The following CA10 variants were observed in gnomAD, a reference collection of about 807,000 sequenced individuals.
CA10 encodes carbonic anhydrase-related protein 10.
CA10 carries 14 observed loss-of-function variants against 44.2 expected under a neutral mutation model. The observed-to-expected ratio is 0.32, with a 90% CI of 0.21 to 0.50. CA10 has a LOEUF of 0.50. CA10 is among the 20% of genes least tolerant of loss of function. The pLI is 0.99. For missense variants in CA10, 350 were observed against 409.7 expected (o/e 0.85, Z 1.26); for synonymous variants, 159 against 141.6 (o/e 1.12, Z -0.87).
chr17:51,640,747 T>G (rs1029372957), intron 6 of CA10, among the ~76,000 whole-genome samples: 3 of 152,232 alleles, frequency 2.0e-5, no homozygotes, highest in Non-Finnish European at 2.9e-5. Flanking sequence ...TTTTCAGGGC[T>G]AACTAGGCCA....
At chr17:51,646,054 C>A (rs1277083029) in intron 6 of CA10, among the ~76,000 whole-genome samples, 1 of 152,206 alleles carries the variant, frequency 6.6e-6, no homozygotes, top group Non-Finnish European at 1.5e-5. Flanking sequence ...ACTTGCAGAC[C>A]TGTAGCTGGA....
At chr17:52,122,397 C>T (rs1362868260) in intron 1 of CA10, among the ~76,000 whole-genome samples, 1 of 152,064 alleles carries the variant, frequency 6.6e-6, no homozygotes, top group Non-Finnish European at 1.5e-5. Flanking sequence ...TGATGCTGAT[C>T]GTGTTTTCAT....
intron 4 of CA10, among the ~76,000 whole-genome samples, chr17:51,717,335 T>A (rs1916143238): frequency 6.6e-6 from 1 of 151,918 alleles, no homozygotes; most frequent in Non-Finnish European, 1.5e-5. Context: ...TAGCCCAACA[T>A]TGGCCTGTTG....
intron 4 of CA10, among the ~76,000 whole-genome samples, chr17:51,717,823 G>A (rs1161472717): frequency 3.9e-3 from 39 of 9,948 alleles, no homozygotes; most frequent in African/African-American, 7.8e-3. Context: ...GTATATATAT[G>A]TGTGTGTATA....
At chr17:52,148,190 C>A (rs984678781) in intron 1 of CA10, among the ~76,000 whole-genome samples, 6 of 152,156 alleles carry the variant, frequency 3.9e-5, no homozygotes, top group African/African-American at 1.4e-4. Context: ...AGGCTATTCT[C>A]CCTAAAGCAC....
chr17:51,846,760 C>T (rs987243427), intron 3 of CA10, among the ~76,000 whole-genome samples: 3 of 152,298 alleles, frequency 2.0e-5, no homozygotes, highest in South Asian at 4.1e-4. Flanking sequence ...AATGCTGTCG[C>T]GCTTGCTCTA....
chr17:52,104,532 CA>C (rs1236946216), intron 1 of CA10, among the ~76,000 whole-genome samples: 1 of 152,170 alleles, frequency 6.6e-6, no homozygotes, highest in Non-Finnish European at 1.5e-5. Flanking sequence ...CTGTCTTTCT[CA>C]AACGAGGGCA....
intron 3 of CA10, among the ~76,000 whole-genome samples, chr17:51,925,010 A>G (rs1982368429): frequency 6.6e-6 from 1 of 152,150 alleles, no homozygotes; most frequent in Non-Finnish European, 1.5e-5. Context: ...GTAGGTCTTC[A>G]GTCTGCTGAT....
chr17:52,121,918 C>T (rs1989024053), intron 1 of CA10, among the ~76,000 whole-genome samples: 1 of 152,200 alleles, frequency 6.6e-6, no homozygotes, highest in South Asian at 2.1e-4. Flanking sequence ...CGTCCCCAAC[C>T]TCTGGTGCAT....
At chr17:52,102,222 C>T (rs1988556945) in intron 1 of CA10, among the ~76,000 whole-genome samples, 1 of 152,216 alleles carries the variant, frequency 6.6e-6, no homozygotes, top group African/African-American at 2.4e-5. Flanking sequence ...AACAGAGACT[C>T]CTCCAGAGAA....
intron 2 of CA10, among the ~76,000 whole-genome samples, chr17:51,971,622 T>G (rs1384340023): frequency 6.6e-6 from 1 of 152,036 alleles, no homozygotes; most frequent in African/African-American, 2.4e-5. Context: ...TCTTATTTAC[T>G]GATTTTTTAT....
intron 3 of CA10, among the ~76,000 whole-genome samples, chr17:51,861,544 T>A (rs535676752): frequency 1.1e-5 from 1 of 92,822 alleles, no homozygotes; most frequent in African/African-American, 7.8e-5. Flanking sequence ...CAGATGTGTG[T>A]TTTTTTTTTT....
At chr17:51,642,921 G>C (rs1455080742) in intron 6 of CA10, among the ~76,000 whole-genome samples, 1 of 152,182 alleles carries the variant, frequency 6.6e-6, no homozygotes. Flanking sequence ...GGGATTATAA[G>C]TGTGAGTCAA....
rs375651010 is a variant in CA10, at chr17:51,674,718, C to A, written c.466-20982G>T. 1.6e-4 allele frequency among the ~76,000 whole-genome samples: 25 copies of A among 152,212 alleles called. No individual in the cohort carries two copies. The East Asian group carries it at 4.6e-3, about 28-fold the overall frequency. On this transcript the variant is annotated intron_variant, in intron 4 of 8. Coordinates refer to ENST00000451037, the MANE Select transcript of CA10 (RefSeq NM_020178.5). ...AATTGGCACAATAAATCTGGGGGGACCACCTCTATTTCCAGCAGTTCACTT... is the reference window on the plus strand; with the variant it reads ...AATTGGCACAATAAATCTGGGGGGAACACCTCTATTTCCAGCAGTTCACTT...
intron 2 of CA10, among the ~76,000 whole-genome samples, chr17:51,999,625 TGAA>T (rs1985353625): frequency 6.6e-6 from 1 of 152,034 alleles, no homozygotes; most frequent in African/African-American, 2.4e-5. Context: ...TTCATATCTG[TGAA>T]GAAGGATGCC....
At chr17:51,635,357 A>T (rs1024639880) in intron 7 of CA10, among the ~76,000 whole-genome samples, 1 of 152,104 alleles carries the variant, frequency 6.6e-6, no homozygotes, top group Non-Finnish European at 1.5e-5. Context: ...TACTAAAAGT[A>T]TAAAAATTAG....
intron 2 of CA10, among the ~76,000 whole-genome samples, chr17:52,053,095 G>T (rs1446481616): frequency 1.3e-5 from 2 of 152,022 alleles, no homozygotes; most frequent in Non-Finnish European, 1.5e-5. Flanking sequence ...GGACTAAAAT[G>T]CAACCATACA....
intron 3 of CA10, among the ~76,000 whole-genome samples, chr17:51,891,041 T>G (rs1336630231): frequency 6.6e-6 from 1 of 152,128 alleles, no homozygotes; most frequent in Admixed American, 6.5e-5. Context: ...AAAATAATTT[T>G]GATTGAAAAA....
intron 4 of CA10, among the ~76,000 whole-genome samples, chr17:51,744,251 G>T (rs963317659): frequency 6.6e-6 from 1 of 151,428 alleles, no homozygotes; most frequent in Non-Finnish European, 1.5e-5. Flanking sequence ...GGAGGTGGAG[G>T]TTGCAGTGAA....
Sources: allele counts gnomAD v4.1 joint callset (sites outside exome capture counted in the v4.1 genomes callset), GRCh38; gene constraint gnomAD v4.1.1; transcripts MANE v1.5; gene names NCBI Gene and HGNC (gene_info 2026-07-23, HGNC 2026-07-21).